Variants in TBC1D22A observed in about 807,000 individuals in gnomAD.
TBC1D22A encodes the protein TBC1 domain family member 22A.
A neutral mutation model predicts 60.2 loss-of-function variants in TBC1D22A; 38 were observed. The ratio of observed to expected loss-of-function variants is 0.63; its 90% CI spans 0.49 to 0.83. The LOEUF (loss-of-function observed/expected upper bound fraction) is 0.83, where lower values mean the gene tolerates loss of function less well. TBC1D22A is among the 40% of genes least tolerant of loss of function. TBC1D22A has a pLI of 0.00. For synonymous variants in TBC1D22A, 302 were observed against 281.7 expected (o/e 1.07, Z -0.72); for missense variants, 628 against 701.0 (o/e 0.90, Z 1.18).
chr22:46,988,641 G>A (rs1411243361), intron 9 of TBC1D22A, among the ~76,000 whole-genome samples: 1 of 152,228 alleles, frequency 6.6e-6, no homozygotes, highest in Non-Finnish European at 1.5e-5. Flanking sequence ...GGTCTCAACA[G>A]TGGGCTTCAA....
chr22:46,840,359 G>A (rs952012902), intron 4 of TBC1D22A, among the ~76,000 whole-genome samples: 2 of 152,066 alleles, frequency 1.3e-5, no homozygotes, highest in Admixed American at 1.3e-4. Flanking sequence ...ATATGAAAAG[G>A]GGCTCAACAT....
chr22:47,097,542 C>T (rs535956853), intron 11 of TBC1D22A, among the ~76,000 whole-genome samples: 6 of 151,732 alleles, frequency 4.0e-5, no homozygotes, highest in East Asian at 1.9e-4. Context: ...ACTTGGGAGG[C>T]GGAGCTTGCA....
chr22:46,893,199 C>G (rs57121076), intron 6 of TBC1D22A, among the ~76,000 whole-genome samples: 2,507 of 152,368 alleles, frequency 0.016, 71 homozygotes, highest in African/African-American at 0.057. Context: ...TATGTGCTCA[C>G]TCTTCTGCTG....
At chr22:47,003,725 CTCT>C (rs2061478786) in intron 10 of TBC1D22A, among the ~76,000 whole-genome samples, 1 of 142,364 alleles carries the variant, frequency 7.0e-6, no homozygotes. Context: ...TATACACACA[CTCT>C]ACACACACAT....
chr22:47,077,645 C>T (rs1385762006), intron 11 of TBC1D22A, among the ~76,000 whole-genome samples: 2 of 152,314 alleles, frequency 1.3e-5, no homozygotes, highest in Non-Finnish European at 1.5e-5. Flanking sequence ...ATGAGGTGCT[C>T]ACACTCTGGT....
intron 2 of TBC1D22A, among the ~76,000 whole-genome samples, chr22:46,793,266 C>T (rs2084501617): frequency 1.3e-5 from 2 of 152,220 alleles, no homozygotes; most frequent in Non-Finnish European, 2.9e-5. Flanking sequence ...TGGCCCTGCG[C>T]CTCCTCCCAG....
chr22:46,956,676 G>T (rs926242316), intron 8 of TBC1D22A, among the ~76,000 whole-genome samples: 6 of 152,216 alleles, frequency 3.9e-5, no homozygotes, highest in African/African-American at 1.4e-4. Flanking sequence ...AGAAGCCTGT[G>T]GGCCTGTGGT....
chr22:46,846,007 T>TA (rs1317284052), intron 4 of TBC1D22A, among the ~76,000 whole-genome samples: 4 of 152,140 alleles, frequency 2.6e-5, no homozygotes, highest in South Asian at 2.1e-4. Flanking sequence ...GGCTTAGGGG[T>TA]AAAAAAATTC....
intron 10 of TBC1D22A, among the ~76,000 whole-genome samples, chr22:47,000,889 C>G (rs755882641): frequency 5.3e-5 from 8 of 151,786 alleles, no homozygotes; most frequent in Non-Finnish European, 1.0e-4. Flanking sequence ...GAATTGCTAT[C>G]TACAAAATAA....
At chr22:46,970,146 A>G (rs1391301843) in intron 8 of TBC1D22A, among the ~76,000 whole-genome samples, 1 of 152,002 alleles carries the variant, frequency 6.6e-6, no homozygotes, top group Non-Finnish European at 1.5e-5. Flanking sequence ...CAGCTTGGGC[A>G]TGTCTTCATG....
chr22:47,102,966 C>T (rs1200319555), intron 11 of TBC1D22A, among the ~76,000 whole-genome samples: 1 of 152,284 alleles, frequency 6.6e-6, no homozygotes. Context: ...CTCAGGGCCT[C>T]ACATACCTGA....
intron 4 of TBC1D22A, among the ~76,000 whole-genome samples, chr22:46,817,579 A>G (rs1436071098): frequency 2.6e-5 from 4 of 152,246 alleles, no homozygotes; most frequent in Admixed American, 2.6e-4. Context: ...TGCAAAGGAC[A>G]TGATCTCATT....
At chr22:47,084,711 A>G (rs1233980475) in intron 11 of TBC1D22A, among the ~76,000 whole-genome samples, 1 of 152,234 alleles carries the variant, frequency 6.6e-6, no homozygotes, top group Non-Finnish European at 1.5e-5. Context: ...AGTAATGTGA[A>G]TGTATGAAAA....
At chr22:46,972,910 C>G (rs1028436785) in intron 8 of TBC1D22A, among the ~76,000 whole-genome samples, 1 of 152,218 alleles carries the variant, frequency 6.6e-6, no homozygotes, top group Non-Finnish European at 1.5e-5. Flanking sequence ...CTCCCACGTT[C>G]CCGCAGGTCC....
At chr22:46,924,068 G>T (rs1184582273) in intron 8 of TBC1D22A, among the ~76,000 whole-genome samples, 1 of 152,188 alleles carries the variant, frequency 6.6e-6, no homozygotes, top group Non-Finnish European at 1.5e-5. Flanking sequence ...GAATTCCACA[G>T]TTTAAGCAGA....
At chr22:46,896,602 TTTG>T (rs973762667) in intron 7 of TBC1D22A, among the ~76,000 whole-genome samples, 16 of 152,320 alleles carry the variant, frequency 1.1e-4, no homozygotes, top group Middle Eastern at 3.4e-3. Flanking sequence ...ATCTCCCATA[TTTG>T]TTATGTCACT....
At position 46,891,291 on chromosome 22, in the gene TBC1D22A, G is replaced by A. The variant is rs776069319; in HGVS notation, c.734G>A (p.Arg245Gln). Residue 245 changes from arginine to glutamine, a missense_variant, in exon 6 of 13, where the codon CGG becomes CAG. Transcript: ENST00000337137. ...GGTTACCTTCCCGCCAATGTAGACC[G>A]GAGACCAGCCACTCTCCAGAGAAAA... is the stretch of plus-strand genomic sequence containing the variant. ...LSGYLPANVD[R>Q]RPATLQRKQK... 3.1e-6 allele frequency: 5 copies of A among 1,612,064 alleles called. No homozygotes were observed. The highest frequency in any genetic ancestry group is 1.1e-5 in the South Asian group (1 of 90,612).
chr22:46,926,732 A>T (rs1281162867), intron 8 of TBC1D22A, among the ~76,000 whole-genome samples: 1 of 152,210 alleles, frequency 6.6e-6, no homozygotes, highest in Non-Finnish European at 1.5e-5. Flanking sequence ...ATTCTTCTCA[A>T]GACTGCCTCA....
intron 12 of TBC1D22A, among the ~76,000 whole-genome samples, chr22:47,136,598 GCCAACC>G (rs879443613): frequency 0.31 from 47,247 of 152,020 alleles, 7,764 homozygotes; most frequent in East Asian, 0.6. Flanking sequence ...GTTCCTTGGA[GCCAACC>G]CTGGGCCATG....
Sources: gnomAD v4.1 joint callset for allele counts (sites outside exome capture counted in the v4.1 genomes callset) on GRCh38, gnomAD v4.1.1 for gene constraint, MANE v1.5 for transcripts, NCBI Gene and HGNC (gene_info 2026-07-23, HGNC 2026-07-21) for gene names.